Variants in FOXP1 observed in about 807,000 individuals in gnomAD.
FOXP1 encodes the protein forkhead box P1.
Under a neutral mutation model 98.2 loss-of-function variants are expected in FOXP1, and 15 were observed. That is an observed-to-expected ratio of 0.15 (90% CI 0.10 to 0.24). FOXP1 has a LOEUF of 0.24. Ranked by LOEUF, FOXP1 falls within the 10% of genes least tolerant of loss-of-function variation. The pLI is 1.00. For synonymous variants in FOXP1, 371 were observed against 314.5 expected (o/e 1.18, Z -1.90); for missense variants, 633 against 848.5 (o/e 0.75, Z 3.15).
chr3:71,254,828 T>C (rs1331913138), intron 5 of FOXP1, among the ~76,000 whole-genome samples: 4 of 152,154 alleles, frequency 2.6e-5, no homozygotes, highest in Non-Finnish European at 4.4e-5. Context: ...ATCTCTACTA[T>C]AGGGTCAAAC....
At position 71,557,693 on chromosome 3, in the gene FOXP1, C is replaced by T. The variant is rs1473693897; in HGVS notation, c.-298+23856G>A. On this transcript the variant is annotated intron_variant, in intron 2 of 20. Transcript: ENST00000649528. ...CTGCTCTTCAAGTACTTTATTCAAA[C>T]GATGAAAGGGAAGAATGACCAAGAT... Among the ~76,000 whole-genome samples the T allele has an allele frequency of 2.6e-5, 4 of 152,306 alleles. No individual in the cohort carries two copies. In the East Asian group the frequency reaches 5.8e-4, roughly 22 times the overall value.
chr3:71,229,640 G>C (rs745326002), intron 5 of FOXP1, among the ~76,000 whole-genome samples: 2 of 151,984 alleles, frequency 1.3e-5, no homozygotes, highest in Non-Finnish European at 2.9e-5. Flanking sequence ...CATCATACAG[G>C]CTCCACACTA....
At chr3:71,236,629 G>T (rs1418169023) in intron 5 of FOXP1, among the ~76,000 whole-genome samples, 1 of 152,156 alleles carries the variant, frequency 6.6e-6, no homozygotes, top group East Asian at 1.9e-4. Context: ...CAACACTTTG[G>T]GAGGACAAGG....
intron 2 of FOXP1, chr3:71,580,801 C>T (rs2048104583): frequency 1.0e-6 from 1 of 985,288 alleles, no homozygotes; most frequent in South Asian, 4.7e-5. Flanking sequence ...GCCCTAAACC[C>T]TTAAGTCTAC....
chr3:70,979,277 C>A (rs1435744706), intron 14 of FOXP1, among the ~76,000 whole-genome samples: 1 of 47,144 alleles, frequency 2.1e-5, no homozygotes, highest in Non-Finnish European at 3.5e-5. Context: ...GAGACTCTAC[C>A]TCAAAAAAAA....
At chr3:71,428,194 GCATTCAGGAAGAAAAGACTGAACAT>G (rs906130794) in intron 3 of FOXP1, among the ~76,000 whole-genome samples, 9 of 152,278 alleles carry the variant, frequency 5.9e-5, no homozygotes, top group Middle Eastern at 3.4e-3. Context: ...TCAGAACAAG[GCATTCAGGAAGAAAAGACTGAACAT>G]CATTCTGCCC....
intron 2 of FOXP1, among the ~76,000 whole-genome samples, chr3:71,569,425 C>T (rs1247502319): frequency 2.6e-5 from 4 of 152,100 alleles, no homozygotes; most frequent in Admixed American, 1.3e-4. Flanking sequence ...ACCATTTGGT[C>T]CTTATAGTGC....
chr3:71,141,128 C>T (rs2060046989), intron 6 of FOXP1, among the ~76,000 whole-genome samples: 1 of 151,704 alleles, frequency 6.6e-6, no homozygotes, highest in Non-Finnish European at 1.5e-5. Flanking sequence ...ATTAGCCAGG[C>T]GTGGTGGCAG....
intron 2 of FOXP1, among the ~76,000 whole-genome samples, chr3:71,504,082 G>A (rs1294718689): frequency 1.3e-5 from 2 of 152,152 alleles, no homozygotes; most frequent in Non-Finnish European, 2.9e-5. Context: ...GCAAGTCAGT[G>A]AGCTTCTCGG....
chr3:70,992,842 ACTCTCT>A (rs1270373381), intron 13 of FOXP1, among the ~76,000 whole-genome samples: 1 of 151,706 alleles, frequency 6.6e-6, no homozygotes, highest in African/African-American at 2.4e-5. Flanking sequence ...AAACCCAGAG[ACTCTCT>A]CTCTTCTTTT....
chr3:71,268,491 ATCT>A (rs2069970764), intron 5 of FOXP1, among the ~76,000 whole-genome samples: 1 of 152,022 alleles, frequency 6.6e-6, no homozygotes, highest in East Asian at 1.9e-4. Flanking sequence ...ATTAAAACCG[ATCT>A]TCTTCTCTTC....
At chr3:71,212,534 C>A (rs1032643916) in intron 5 of FOXP1, among the ~76,000 whole-genome samples, 7 of 152,196 alleles carry the variant, frequency 4.6e-5, no homozygotes, top group African/African-American at 1.7e-4. Flanking sequence ...GTAGCTCCAA[C>A]AATGAGCCTC....
At chr3:71,252,159 T>C (rs1467134314) in intron 5 of FOXP1, among the ~76,000 whole-genome samples, 1 of 152,202 alleles carries the variant, frequency 6.6e-6, no homozygotes, top group Non-Finnish European at 1.5e-5. Flanking sequence ...GTCCTTTTCC[T>C]TACTTTGTGC....
chr3:71,197,976 G>A, intron 6 of FOXP1: 2 of 1,614,196 alleles, frequency 1.2e-6, no homozygotes, highest in Non-Finnish European at 1.7e-6. Context: ...CCCACAAGGG[G>A]ACCTGCAGGA....
At chr3:71,130,944 C>A in intron 6 of FOXP1, 1 of 1,236,800 alleles carries the variant, frequency 8.1e-7, no homozygotes, top group Non-Finnish European at 1.0e-6. Flanking sequence ...CAAGCCCTAG[C>A]CAAACACAGC....
intron 19 of FOXP1, among the ~76,000 whole-genome samples, chr3:70,967,084 A>G (rs533009248): frequency 6.6e-6 from 1 of 152,354 alleles, no homozygotes; most frequent in Admixed American, 6.5e-5. Flanking sequence ...CCTGCAGACT[A>G]GACTATGCCT....
chr3:71,580,398 G>GA (rs1389671847), intron 2 of FOXP1, among the ~76,000 whole-genome samples: 1 of 99,120 alleles, frequency 1.0e-5, no homozygotes, highest in African/African-American at 3.5e-5. Flanking sequence ...GAAAGACAGA[G>GA]GGGGGAAAAA....
intron 3 of FOXP1, among the ~76,000 whole-genome samples, chr3:71,491,613 AT>A (rs982896381): frequency 4.6e-5 from 7 of 150,564 alleles, no homozygotes; most frequent in South Asian, 2.1e-4. Flanking sequence ...AGGAGGCTGG[AT>A]TTTTTTTTTC....
chr3:71,060,745 C>T (rs1012947145), intron 7 of FOXP1, among the ~76,000 whole-genome samples: 3 of 152,086 alleles, frequency 2.0e-5, no homozygotes, highest in Non-Finnish European at 4.4e-5. Context: ...TGTTGATTTA[C>T]CTTGTTCTCA....
Sources: gnomAD v4.1 joint callset for allele counts (sites outside exome capture counted in the v4.1 genomes callset) on GRCh38, gnomAD v4.1.1 for gene constraint, MANE v1.5 for transcripts, NCBI Gene and HGNC (gene_info 2026-07-23, HGNC 2026-07-21) for gene names.